The following AUTS2 variants were observed in gnomAD, a reference collection of about 807,000 sequenced individuals.
AUTS2 encodes the protein activator of transcription and developmental regulator AUTS2.
AUTS2 carries 17 observed loss-of-function variants against 112.4 expected under a neutral mutation model. The observed-to-expected ratio is 0.15, with a 90% confidence interval of 0.10 to 0.23. The LOEUF (loss-of-function observed/expected upper bound fraction) is 0.23, where lower values mean the gene tolerates loss of function less well. Ranked by LOEUF, AUTS2 falls within the 10% of genes least tolerant of loss-of-function variation. AUTS2 has a pLI of 1.00. For missense variants in AUTS2, 1,510 were observed against 1,701.6 expected (o/e 0.89, Z 1.98); for synonymous variants, 751 against 702.7 (o/e 1.07, Z -1.09).
intron 15 of AUTS2, 166 bp from the exon 16 acceptor site, chr7:70,784,765 AAAAAAAAACAC>A: frequency 3.9e-5 from 13 of 330,714 alleles, no homozygotes; most frequent in Admixed American, 1.0e-4. Flanking sequence ...AAAAAAAAAA[AAAAAAAAACAC>A]ACATTTTCTT....
intron 4 of AUTS2, among the ~76,000 whole-genome samples, chr7:70,419,792 T>C (rs1585124083): frequency 6.6e-6 from 1 of 152,370 alleles, no homozygotes; most frequent in Non-Finnish European, 1.5e-5. Flanking sequence ...AGCATTTACA[T>C]GTTTTTTTCT....
At chr7:70,209,073 A>G (rs1810723720) in intron 4 of AUTS2, among the ~76,000 whole-genome samples, 1 of 152,180 alleles carries the variant, frequency 6.6e-6, no homozygotes, top group Non-Finnish European at 1.5e-5. Context: ...CCAAGTGTAG[A>G]AACTAGATCA....
At chr7:70,222,840 A>G (rs1265165670) in intron 4 of AUTS2, among the ~76,000 whole-genome samples, 1 of 151,578 alleles carries the variant, frequency 6.6e-6, no homozygotes, top group Non-Finnish European at 1.5e-5. Context: ...AAATATTTGA[A>G]TATTCTTCAC....
chr7:70,705,411 G>A (rs1428518656), intron 6 of AUTS2, among the ~76,000 whole-genome samples: 5 of 152,284 alleles, frequency 3.3e-5, no homozygotes, highest in East Asian at 1.9e-4. Context: ...CTGGTGGAAC[G>A]AGTGCAACAG....
Position 69,599,772 on chromosome 7 carries a change from C to T in AUTS2, c.119C>T (p.Ala40Val). Residue 40 changes from alanine (A) to valine (V), a missense_variant, in exon 1 of 19, where the codon GCT (alanine) becomes GTT (valine). Transcript: ENST00000342771. This position sits in a 1 kb window ranked among gnomAD's most constrained non-coding sequence, Gnocchi z 7.0. ...LGAGAAGGGG[A>V]GRTRALSLAS... Reference sequence around the variant, plus strand: ...GCCGGCGCGGCCGGCGGCGGCGGGGCTGGCCGGACCCGGGCGCTCTCACTC... The same window carrying T: ...GCCGGCGCGGCCGGCGGCGGCGGGGTTGGCCGGACCCGGGCGCTCTCACTC... 1 of 1,479,668 alleles carries T rather than the reference C, an allele frequency of 6.8e-7. No individual in the cohort carries two copies. The highest frequency in any genetic ancestry group is 9.0e-7 in the Non-Finnish European group (1 of 1,115,526). The allele number at this position is 1,479,668 out of a possible 1,614,324, so 91.7% of individuals were successfully genotyped here. A position where few individuals can be genotyped will look rare whatever the true frequency, so the allele number is the denominator to read the frequency against.
intron 1 of AUTS2, among the ~76,000 whole-genome samples, chr7:69,805,526 TA>T (rs1345576711): frequency 1.3e-5 from 2 of 151,796 alleles, no homozygotes; most frequent in Admixed American, 1.3e-4. Flanking sequence ...AATGTGACTA[TA>T]AAAAAGAACC....
chr7:69,607,382 G>T (rs1232927827), intron 1 of AUTS2, among the ~76,000 whole-genome samples: 1 of 152,034 alleles, frequency 6.6e-6, no homozygotes, highest in Non-Finnish European at 1.5e-5. Context: ...CTGAGGTAGA[G>T]CTATCAAAAT....
intron 4 of AUTS2, among the ~76,000 whole-genome samples, chr7:70,426,055 C>T (rs148075613): frequency 1.2e-3 from 182 of 152,300 alleles, no homozygotes; most frequent in African/African-American, 4.1e-3. Context: ...GGTTAAGTTC[C>T]TTGCTAGAGG....
intron 1 of AUTS2, among the ~76,000 whole-genome samples, chr7:69,890,374 C>T (rs1169170098): frequency 6.6e-6 from 1 of 152,184 alleles, no homozygotes; most frequent in African/African-American, 2.4e-5. Context: ...GACAGTGGCA[C>T]TGCAGCATTG....
intron 4 of AUTS2, among the ~76,000 whole-genome samples, chr7:70,168,472 C>T (rs1808498926): frequency 1.3e-5 from 2 of 152,130 alleles, no homozygotes; most frequent in African/African-American, 4.8e-5. Flanking sequence ...GCTGCCACCA[C>T]ACCTGGCTAA....
chr7:70,053,544 GTT>G (rs200867539), intron 2 of AUTS2, among the ~76,000 whole-genome samples: 1 of 127,822 alleles, frequency 7.8e-6, no homozygotes, highest in Admixed American at 7.6e-5. Context: ...GTTTTGGGTG[GTT>G]TTTTTTTTTT....
intron 1 of AUTS2, among the ~76,000 whole-genome samples, chr7:69,868,705 C>T (rs1039279016): frequency 6.6e-6 from 1 of 152,140 alleles, no homozygotes; most frequent in Non-Finnish European, 1.5e-5. Context: ...TGATTTGTCT[C>T]CTCATTTTAT....
chr7:70,278,762 A>T (rs1188736392), intron 4 of AUTS2, among the ~76,000 whole-genome samples: 2 of 152,230 alleles, frequency 1.3e-5, no homozygotes, highest in African/African-American at 4.8e-5. Context: ...TTTCTCAGAC[A>T]TACTGAAAAT....
intron 5 of AUTS2, among the ~76,000 whole-genome samples, chr7:70,643,377 C>G (rs779638384): frequency 1.3e-5 from 2 of 152,208 alleles, no homozygotes; most frequent in Non-Finnish European, 2.9e-5. Context: ...TCGAGACCAT[C>G]CTGGCCAACA....
intron 5 of AUTS2, among the ~76,000 whole-genome samples, chr7:70,626,413 A>G (rs1016664792): frequency 2.0e-5 from 3 of 150,962 alleles, no homozygotes; most frequent in Non-Finnish European, 3.0e-5. Context: ...TTTTCTTTTA[A>G]GTACTGGTAG....
At chr7:70,428,987 A>G (rs970571642) in intron 4 of AUTS2, among the ~76,000 whole-genome samples, 19 of 152,370 alleles carry the variant, frequency 1.2e-4, no homozygotes, top group African/African-American at 4.6e-4. Context: ...TAAAGTCATA[A>G]TCACATCTTT....
chr7:69,877,157 G>A lies in AUTS2; in HGVS notation c.310-22129G>A, dbSNP rs78661073. Among the ~76,000 whole-genome samples, 771 of 152,260 alleles carry A rather than the reference G, an allele frequency of 5.1e-3. 13 individuals carry two copies. Among genetic ancestry groups the A allele is most frequent in the African/African-American group, 0.017 (717 of 41,540 alleles). On this transcript the variant is annotated intron_variant, in intron 1 of 18. Transcript: ENST00000342771. ...AGAGCATCCTTTTCTACCTCCTTGG[G>A]TATATAGGCCTTGATTTATAATGTC...
chr7:69,900,672 G>A (rs1287851648), intron 2 of AUTS2, among the ~76,000 whole-genome samples: 5 of 152,190 alleles, frequency 3.3e-5, no homozygotes, highest in Admixed American at 6.5e-5. Flanking sequence ...TCAATATGAT[G>A]TAGTGGGCAG....
chr7:70,382,977 A>G (rs1461994607), intron 4 of AUTS2, among the ~76,000 whole-genome samples: 1 of 152,192 alleles, frequency 6.6e-6, no homozygotes, highest in Non-Finnish European at 1.5e-5. Flanking sequence ...TTGTGTGTAT[A>G]CACAATTTAT....
Sources: gnomAD v4.1 joint callset for allele counts (sites outside exome capture counted in the v4.1 genomes callset) on GRCh38, gnomAD v4.1.1 for gene constraint, Gnocchi (gnomAD v3.1) non-coding constraint, MANE v1.5 for transcripts, NCBI Gene and HGNC (gene_info 2026-07-23, HGNC 2026-07-21) for gene names.